MALRD1: variants seen among roughly 807,000 people sequenced by gnomAD.
MALRD1 encodes the protein MAM and LDL-receptor class A domain-containing protein 1.
A neutral mutation model predicts 242.1 loss-of-function variants in MALRD1; 247 were observed. The ratio of observed to expected loss-of-function variants is 1.02; its 90% CI spans 0.92 to 1.13. The LOEUF (loss-of-function observed/expected upper bound fraction) is 1.13, where lower values mean the gene tolerates loss of function less well. Among genes scored for constraint, MALRD1 ranks in the 50% most tolerant of loss-of-function variants. The pLI is 0.00. For synonymous variants in MALRD1, 995 were observed against 866.6 expected (o/e 1.15, Z -2.60); for missense variants, 2,989 against 2,533.1 (o/e 1.18, Z -3.86).
intron 36 of MALRD1, among the ~76,000 whole-genome samples, chr10:19,638,733 C>T (rs1032106918): frequency 1.3e-5 from 2 of 152,044 alleles, no homozygotes; most frequent in African/African-American, 4.8e-5. Context: ...TAGCCTTTGC[C>T]CTCAGATTCC....
At chr10:19,298,101 G>A (rs1007677117) in intron 21 of MALRD1, among the ~76,000 whole-genome samples, 1 of 151,968 alleles carries the variant, frequency 6.6e-6, no homozygotes, top group African/African-American at 2.4e-5. Context: ...GAAGCATGGT[G>A]CCCGCATCTG....
At chr10:19,161,550 C>CAAAAAAAAAAAAAAA in intron 12 of MALRD1, among the ~76,000 whole-genome samples, 6 of 60,836 alleles carry the variant, frequency 9.9e-5, no homozygotes, top group Non-Finnish European at 1.2e-4. Context: ...AAAAAAAAAG[C>CAAAAAAAAAAAAAAA]AAAAAAAAAA....
chr10:19,641,737 T>C (rs1840393379), intron 36 of MALRD1, among the ~76,000 whole-genome samples: 1 of 152,172 alleles, frequency 6.6e-6, no homozygotes, highest in Non-Finnish European at 1.5e-5. Context: ...TGCAAGCTCA[T>C]TAGTTGATTT....
In MALRD1 at chr10:19,675,574, C is replaced by G. The variant is rs139201477; in HGVS notation, c.6138-16708C>G. ...AACTCTGGGGAGAAGAATAAATAAT[C>G]TGTGTTTTAACAAACTTTCCAGATG... On this transcript the variant is annotated intron_variant, in intron 36 of 39. Transcript: ENST00000454679. 3.7e-3 allele frequency among the ~76,000 whole-genome samples: 563 copies of G among 152,282 alleles called. 2 individuals are homozygous for G. Among genetic ancestry groups the G allele is most frequent in the African/African-American group, 0.013 (537 of 41,540 alleles).
intron 38 of MALRD1, among the ~76,000 whole-genome samples, chr10:19,698,232 C>G (rs1426065305): frequency 2.0e-5 from 3 of 152,174 alleles, no homozygotes; most frequent in Non-Finnish European, 2.9e-5. Context: ...AGGTGTAAAG[C>G]TCAGATATAG....
intron 13 of MALRD1, among the ~76,000 whole-genome samples, chr10:19,168,172 A>G (rs1834780191): frequency 6.6e-6 from 1 of 152,150 alleles, no homozygotes; most frequent in Admixed American, 6.6e-5. Context: ...TCAAAGATCA[A>G]TTTATTCTAT....
chr10:19,615,944 T>G, intron 36 of MALRD1, 21 bp downstream of exon 36: 1 of 1,413,222 alleles, frequency 7.1e-7, no homozygotes, highest in South Asian at 1.3e-5. Flanking sequence ...TTGTTTAATT[T>G]TTTTTTTTAA....
At chr10:19,422,363 A>G (rs1400914276) in intron 28 of MALRD1, among the ~76,000 whole-genome samples, 1 of 152,234 alleles carries the variant, frequency 6.6e-6, no homozygotes, top group East Asian at 1.9e-4. Flanking sequence ...TATCTTTTAG[A>G]TGTTAAAAAT....
chr10:19,540,674 A>G (rs1834927495), intron 32 of MALRD1, among the ~76,000 whole-genome samples: 2 of 152,202 alleles, frequency 1.3e-5, no homozygotes, highest in African/African-American at 4.8e-5. Context: ...AGCCCATCTC[A>G]TAGTTATCAC....
At chr10:19,364,420 T>C (rs1319127623) in intron 26 of MALRD1, among the ~76,000 whole-genome samples, 1 of 152,136 alleles carries the variant, frequency 6.6e-6, no homozygotes, top group East Asian at 1.9e-4. Flanking sequence ...TTAGGAGCTC[T>C]AAAAACCAAA....
intron 26 of MALRD1, among the ~76,000 whole-genome samples, chr10:19,387,200 T>C (rs1276590478): frequency 1.3e-5 from 2 of 152,194 alleles, no homozygotes; most frequent in South Asian, 2.1e-4. Context: ...AGGCCTCACA[T>C]TGGCTCTCAG....
At chr10:19,261,288 A>G (rs911747799) in intron 19 of MALRD1, among the ~76,000 whole-genome samples, 4 of 152,126 alleles carry the variant, frequency 2.6e-5, no homozygotes, top group Non-Finnish European at 5.9e-5. Flanking sequence ...AATAAAAAAA[A>G]CTTGAAAAAC....
chr10:19,452,817 G>A (rs1835401844), intron 29 of MALRD1, among the ~76,000 whole-genome samples: 1 of 152,180 alleles, frequency 6.6e-6, no homozygotes, highest in Non-Finnish European at 1.5e-5. Context: ...GTCAAAGTCA[G>A]AAAGGCACTT....
At chr10:19,392,141 T>C (rs1290145214) in intron 28 of MALRD1, among the ~76,000 whole-genome samples, 1 of 152,194 alleles carries the variant, frequency 6.6e-6, no homozygotes, top group Admixed American at 6.5e-5. Flanking sequence ...TCCATAAATA[T>C]GTCATTTATA....
intron 36 of MALRD1, among the ~76,000 whole-genome samples, chr10:19,624,823 A>G (rs1839570889): frequency 6.8e-6 from 1 of 148,146 alleles, no homozygotes. Flanking sequence ...CTGAGATCGC[A>G]CCACTGCACT....
In MALRD1 at chr10:19,389,485, G is replaced by A. The variant is rs778624405; in HGVS notation, c.4721G>A (p.Gly1574Asp). The A allele has an allele frequency of 1.3e-4, 197 of 1,550,586 alleles. No homozygotes were observed. Among genetic ancestry groups the A allele is most frequent in the East Asian group, 2.9e-4 (12 of 40,922 alleles). ...ATGTATCTGGAAGCTACTGCAGTGG[G>A]CCTTCGGGGTGACAAAGCACACTTC... is the stretch of plus-strand genomic sequence containing the variant. ...HFMYLEATAV[G>D]LRGDKAHFRS... The change falls in exon 28 of 40, where the codon GGC (glycine) becomes GAC (aspartate). Residue 1574 changes from glycine to aspartate, a missense_variant. Transcript: ENST00000454679.
chr10:19,558,956 G>A (rs1835843795), intron 32 of MALRD1, among the ~76,000 whole-genome samples: 1 of 151,900 alleles, frequency 6.6e-6, no homozygotes, highest in African/African-American at 2.4e-5. Context: ...GGCTGAGGTG[G>A]GCAGATCACT....
At chr10:19,167,866 G>A (rs1436350439) in intron 13 of MALRD1, among the ~76,000 whole-genome samples, 3 of 152,188 alleles carry the variant, frequency 2.0e-5, no homozygotes, top group African/African-American at 7.2e-5. Context: ...CCCCATGAAA[G>A]CAGGAAGACT....
intron 28 of MALRD1, among the ~76,000 whole-genome samples, chr10:19,407,982 G>T (rs1833111076): frequency 6.6e-6 from 1 of 152,106 alleles, no homozygotes; most frequent in African/African-American, 2.4e-5. Context: ...TTCAGTCTAG[G>T]TTCCCTTGCT....
Sources: gnomAD v4.1 joint callset for allele counts (sites outside exome capture counted in the v4.1 genomes callset) on GRCh38, gnomAD v4.1.1 for gene constraint, MANE v1.5 for transcripts, NCBI Gene and HGNC (gene_info 2026-07-23, HGNC 2026-07-21) for gene names.